The following WDR70 variants were observed in gnomAD, a reference collection of about 807,000 sequenced individuals.
The protein encoded by WDR70 is WD repeat-containing protein 70.
WDR70 carries 53 observed loss-of-function variants against 88.6 expected under a neutral mutation model. The ratio of observed to expected loss-of-function variants is 0.60; its 90% CI spans 0.48 to 0.75. WDR70 has a LOEUF of 0.75. Ranked by LOEUF, WDR70 falls within the 30% of genes least tolerant of loss-of-function variation. The probability of loss-of-function intolerance (pLI) is 0.00; values close to 1 mark genes in which losing one functional copy is unlikely to be tolerated. For missense variants in WDR70, 610 were observed against 823.2 expected (o/e 0.74, Z 3.17); for synonymous variants, 280 against 270.0 (o/e 1.04, Z -0.36).
At chr5:37,665,558 CA>C (rs1324681681) in intron 10 of WDR70, among the ~76,000 whole-genome samples, 1 of 152,146 alleles carries the variant, frequency 6.6e-6, no homozygotes, top group Non-Finnish European at 1.5e-5. Context: ...AAACAACCCC[CA>C]AAAGTCTCTA....
intron 17 of WDR70, among the ~76,000 whole-genome samples, chr5:37,750,723 G>A (rs1017390305): frequency 6.6e-6 from 1 of 152,160 alleles, no homozygotes; most frequent in African/African-American, 2.4e-5. Flanking sequence ...TCTCTTGTCT[G>A]CTGCCATGTA....
At chr5:37,580,898 G>A (rs1028321179) in intron 9 of WDR70, among the ~76,000 whole-genome samples, 1 of 152,270 alleles carries the variant, frequency 6.6e-6, no homozygotes, top group East Asian at 1.9e-4. Flanking sequence ...TTGAAGAAAT[G>A]TAAAACAATA....
chr5:37,519,188 G>T (rs548333913), intron 9 of WDR70, among the ~76,000 whole-genome samples: 1 of 152,088 alleles, frequency 6.6e-6, no homozygotes, highest in Non-Finnish European at 1.5e-5. Context: ...GCCCATTCTC[G>T]ATGATCGCTG....
chr5:37,653,192 G>A (rs189858961), intron 10 of WDR70, among the ~76,000 whole-genome samples: 504 of 152,268 alleles, frequency 3.3e-3, no homozygotes, highest in Admixed American at 5.0e-3. Flanking sequence ...CATCTACTGA[G>A]ATAATCATGT....
At chr5:37,646,605 T>C (rs1387522500) in intron 10 of WDR70, among the ~76,000 whole-genome samples, 1 of 152,182 alleles carries the variant, frequency 6.6e-6, no homozygotes, top group African/African-American at 2.4e-5. Flanking sequence ...TATTTTTCTT[T>C]CATGTTTGAA....
At chr5:37,633,384 A>G (rs1042546488) in intron 10 of WDR70, among the ~76,000 whole-genome samples, 1 of 152,192 alleles carries the variant, frequency 6.6e-6, no homozygotes, top group South Asian at 2.1e-4. Flanking sequence ...TATGTATTAT[A>G]TATTTTATTA....
rs70978838 is a variant in WDR70 at position 37,686,951 on chromosome 5, A to AAATAATAATAAT, written c.1093-10680_1093-10669dup. Among the ~76,000 whole-genome samples the AAATAATAATAAT allele has an allele frequency of 9.4e-3, 1,343 of 143,080 alleles. 21 individuals carry two copies. Among genetic ancestry groups the AAATAATAATAAT allele is most frequent in the African/African-American group, 0.032 (1,239 of 38,226 alleles). 93.9% of individuals were successfully genotyped at this position (143,080 alleles called of 152,430 possible). A position where few individuals can be genotyped will look rare whatever the true frequency, so the allele number is the denominator to read the frequency against. ...GCAACAAGAGCAAAACTCTGTCTCA[A>AAATAATAATAAT]AATAATAATAATAATAATAATAATA... On this transcript the variant is annotated intron_variant, in intron 10 of 17. Coordinates refer to ENST00000265107, the MANE Select transcript of WDR70 (RefSeq NM_018034.4).
At chr5:37,452,821 T>C (rs1362559430) in intron 7 of WDR70, among the ~76,000 whole-genome samples, 1 of 152,182 alleles carries the variant, frequency 6.6e-6, no homozygotes, top group Non-Finnish European at 1.5e-5. Context: ...GGCAGCATCA[T>C]GGTGAGTAAG....
intron 5 of WDR70, among the ~76,000 whole-genome samples, chr5:37,430,557 C>A (rs1473168589): frequency 6.6e-6 from 1 of 151,762 alleles, no homozygotes; most frequent in Non-Finnish European, 1.5e-5. Flanking sequence ...AGATTTTTTT[C>A]TTTTCTTTTT....
At chr5:37,605,034 A>G in intron 9 of WDR70, 30 bp from the exon 10 acceptor site, 1 of 1,524,346 alleles carries the variant, frequency 6.6e-7, no homozygotes, top group Non-Finnish European at 8.8e-7. Context: ...TTTTTTTTAA[A>G]TAAATGAAAA....
intron 7 of WDR70, among the ~76,000 whole-genome samples, chr5:37,447,832 G>C (rs1245372523): frequency 6.6e-6 from 1 of 152,130 alleles, no homozygotes; most frequent in Non-Finnish European, 1.5e-5. Context: ...GATATACCTA[G>C]TGTAAATGAC....
rs186032844 is a variant in WDR70 at position 37,713,968 on chromosome 5, A to G, written c.1417-7147A>G. On this transcript the variant is annotated intron_variant, in intron 13 of 17. Coordinates refer to ENST00000265107, the MANE Select transcript of WDR70 (RefSeq NM_018034.4). ...TATAGTGTGGGGAAGAACAAGTTCT[A>G]TAATTAAAATGCATCCCGGGATAGT... Among the ~76,000 whole-genome samples the G allele has an allele frequency of 2.0e-5, 3 of 152,372 alleles. No individual in the cohort carries two copies. The East Asian group carries it at 5.8e-4, about 29-fold the overall frequency.
intron 9 of WDR70, among the ~76,000 whole-genome samples, chr5:37,604,581 A>G (rs1743976973): frequency 6.6e-6 from 1 of 152,174 alleles, no homozygotes; most frequent in African/African-American, 2.4e-5. Flanking sequence ...CTTCTCCCCT[A>G]GGGGAATGAG....
intron 9 of WDR70, among the ~76,000 whole-genome samples, chr5:37,559,723 T>C (rs550075050): frequency 2.5e-4 from 38 of 152,104 alleles, no homozygotes; most frequent in Admixed American, 5.2e-4. Context: ...CACACACCTG[T>C]AATCCCAGCT....
intron 10 of WDR70, among the ~76,000 whole-genome samples, chr5:37,624,807 G>A (rs1744619436): frequency 6.6e-6 from 1 of 152,154 alleles, no homozygotes; most frequent in Admixed American, 6.5e-5. Context: ...GGGAAACTCA[G>A]GAGGGTCATC....
chr5:37,463,977 CA>C (rs1374482279), intron 7 of WDR70, among the ~76,000 whole-genome samples: 1 of 152,170 alleles, frequency 6.6e-6, no homozygotes, highest in Admixed American at 6.5e-5. Flanking sequence ...AGCAGAAAAA[CA>C]ATGTGAATAT....
chr5:37,534,726 G>A (rs373602270), intron 9 of WDR70, among the ~76,000 whole-genome samples: 5 of 152,058 alleles, frequency 3.3e-5, no homozygotes, highest in East Asian at 3.9e-4. Context: ...TGATCCGCCC[G>A]CCTCAGCCTC....
At chr5:37,577,946 A>C (rs1283260694) in intron 9 of WDR70, among the ~76,000 whole-genome samples, 1 of 152,182 alleles carries the variant, frequency 6.6e-6, no homozygotes, top group African/African-American at 2.4e-5. Context: ...GGATTGGTAC[A>C]TTTACCTCAG....
At chr5:37,598,185 G>A (rs1743756836) in intron 9 of WDR70, among the ~76,000 whole-genome samples, 1 of 152,062 alleles carries the variant, frequency 6.6e-6, no homozygotes, top group South Asian at 2.1e-4. Context: ...TACCACATTT[G>A]TCTCTTCGTT....
Sources: allele counts gnomAD v4.1 joint callset (sites outside exome capture counted in the v4.1 genomes callset), GRCh38; gene constraint gnomAD v4.1.1; transcripts MANE v1.5; gene names NCBI Gene and HGNC (gene_info 2026-07-23, HGNC 2026-07-21).